Variants in ZNF625 observed in about 807,000 individuals in gnomAD.
ZNF625 encodes zinc finger protein 625.
In ZNF625, 8 loss-of-function variants were observed where a neutral mutation model predicts 11.1. The ratio of observed to expected loss-of-function variants is 0.72; its 90% CI spans 0.42 to 1.30. The LOEUF is 1.30. ZNF625 is among the 50% of genes most tolerant of loss of function. ZNF625 has a pLI of 0.01. For missense variants in ZNF625, 349 were observed against 447.6 expected, an observed-to-expected ratio of 0.78 and a Z score of 1.99; for synonymous variants, 145 against 153.4, an observed-to-expected ratio of 0.95 and a Z score of 0.41.
chr19:12,147,525 C>G, intron 2 of ZNF625, 70 bp from the exon 3 acceptor site: 1 of 1,513,310 alleles, frequency 6.6e-7, no homozygotes, highest in Non-Finnish European at 9.0e-7. Context: ...ATTCTAAGTT[C>G]ATGGTACACT....
Position 12,145,569 on chromosome 19 carries a change from C to T in ZNF625, c.847G>A (p.Ala283Thr), listed in dbSNP as rs756488578. ...KPYECKQCGK[A>T]FVSFNSVRYH... is the part of the protein sequence containing the mutation. ...CGAACGGAATTGAAAGAAACAAAGG[C>T]TTTCCCACACTGTTTACATTCATAC... The change falls in exon 4 of 4, where the codon GCC (alanine) becomes ACC (threonine). Residue 283 changes from alanine to threonine, a missense_variant. By Grantham distance (58) the Ala-to-Thr change is moderately conservative. Transcript: ENST00000439556. 3.7e-6 allele frequency: 6 copies of T among 1,610,210 alleles called. No individual in the cohort carries two copies. Among genetic ancestry groups the T allele is most frequent in the Non-Finnish European group, 3.4e-6 (4 of 1,176,528 alleles).
At chr19:12,153,349 C>CAAA (rs1260818004) in intron 1 of ZNF625, among the ~76,000 whole-genome samples, 5 of 61,456 alleles carry the variant, frequency 8.1e-5, no homozygotes, top group African/African-American at 3.1e-4. Context: ...GACTCCATCT[C>CAAA]AAAAAAAAAA....
intron 1 of ZNF625, among the ~76,000 whole-genome samples, chr19:12,148,865 A>G (rs969430836): frequency 4.0e-5 from 6 of 151,296 alleles, no homozygotes; most frequent in African/African-American, 1.2e-4. Flanking sequence ...CTTGTGATCC[A>G]CCTGTCTCGG....
intron 1 of ZNF625, among the ~76,000 whole-genome samples, chr19:12,151,902 A>T (rs148109658): frequency 1.3e-5 from 2 of 152,210 alleles, no homozygotes; most frequent in East Asian, 3.9e-4. Flanking sequence ...CTCTGTTCCT[A>T]GTGTTTCTCT....
chr19:12,144,929 T>A lies in ZNF625; in HGVS notation c.*368A>T, dbSNP rs1976845163. 5.5e-6 allele frequency: 1 copy of A among 181,080 alleles called. No homozygotes were observed. The highest frequency in any genetic ancestry group is 1.2e-5 in the Non-Finnish European group (1 of 86,396). 11.2% of individuals were successfully genotyped at this position (181,080 alleles called of 1,614,324 possible). ...TGGGGTTTCACCATATTGACCAGGC[T>A]GGTCTCGAACTACTGACCTCGTGGT... On this transcript the variant is annotated 3_prime_UTR_variant, in exon 4 of 4. Coordinates refer to ENST00000439556, the MANE Select transcript of ZNF625 (RefSeq NM_145233.4).
chr19:12,146,179 C>G lies in ZNF625; in HGVS notation c.237G>C (p.Gln79His), dbSNP rs770159674. 2.6e-5 allele frequency: 42 copies of G among 1,614,014 alleles called. No individual in the cohort carries two copies. Among genetic ancestry groups the G allele is most frequent in the Non-Finnish European group, 3.6e-5 (42 of 1,180,034 alleles). Residue 79 changes from glutamine (Q) to histidine (H), a missense_variant, in exon 4 of 4, where the codon CAG becomes CAC. By Grantham distance (24) the Gln-to-His change is conservative. Coordinates refer to ENST00000439556, the MANE Select transcript of ZNF625 (RefSeq NM_145233.4). Reference protein sequence around the residue: ...ERLLESKKDHQHGEILTQVPD... With the variant: ...ERLLESKKDHHHGEILTQVPD... ...GAACCTGGGTCAAAATTTCTCCATG[C>G]TGATGATCTTTCTTACTTTCTAAGA...
chr19:12,156,503 C>T lies in ZNF625; in HGVS notation c.3+53G>A, dbSNP rs1977029373. 4 of 1,393,122 alleles carry T rather than the reference C, an allele frequency of 2.9e-6. No individual in the cohort carries two copies. In the East Asian group the frequency reaches 1.1e-4, roughly 40 times the overall value. The allele number at this position is 1,393,122 out of a possible 1,614,324, so 86.3% of individuals were successfully genotyped here. On this transcript the variant is annotated intron_variant, in intron 1 of 3. Coordinates refer to ENST00000439556, the MANE Select transcript of ZNF625 (RefSeq NM_145233.4). ...GGGTCCTGCTAGAGCCGGTTCGAGC[C>T]GGTTCCTCCCGGCCCCTCCCCCGTC...
At chr19:12,150,274 G>T (rs1211154876) in intron 1 of ZNF625, among the ~76,000 whole-genome samples, 1 of 152,156 alleles carries the variant, frequency 6.6e-6, no homozygotes, top group Non-Finnish European at 1.5e-5. Flanking sequence ...AATCAGAAAT[G>T]TAAGGATTTG....
intron 1 of ZNF625, among the ~76,000 whole-genome samples, chr19:12,148,822 C>T (rs1332098135): frequency 6.6e-6 from 1 of 151,480 alleles, no homozygotes; most frequent in East Asian, 2.0e-4. Flanking sequence ...CAGGGTTTCA[C>T]CGTCTTGGCC....
intron 1 of ZNF625, among the ~76,000 whole-genome samples, chr19:12,149,283 CAAAAAA>C (rs747461916): frequency 7.8e-5 from 5 of 64,428 alleles, no homozygotes; most frequent in Non-Finnish European, 1.4e-4. Context: ...GACTCAGTCT[CAAAAAA>C]AAAAAAAAAA....
chr19:12,148,906 G>A (rs1032485690), intron 1 of ZNF625, among the ~76,000 whole-genome samples: 1 of 151,940 alleles, frequency 6.6e-6, no homozygotes, highest in Non-Finnish European at 1.5e-5. Context: ...ACAGGCATGA[G>A]CCACTGCGCC....
chr19:12,156,551 C>A lies in ZNF625; in HGVS notation c.3+5G>T. 7 of 1,426,088 alleles carry A rather than the reference C, an allele frequency of 4.9e-6. No individual in the cohort carries two copies. Among genetic ancestry groups the A allele is most frequent in the Non-Finnish European group, 6.4e-6 (7 of 1,088,354 alleles). The allele number at this position is 1,426,088 out of a possible 1,614,324, so 88.3% of individuals were successfully genotyped here. A position where few individuals can be genotyped will look rare whatever the true frequency, so the allele number is the denominator to read the frequency against. On this transcript the variant is annotated splice_donor_5th_base_variant and intron_variant, in intron 1 of 3. Coordinates refer to ENST00000439556, the MANE Select transcript of ZNF625 (RefSeq NM_145233.4). ...GTCTCGGGACCCCCGGCCCCGCACA[C>A]TCACCATTTCCCGGCTTCCAGGTGT...
At chr19:12,155,492 G>C (rs1977013842) in intron 1 of ZNF625, among the ~76,000 whole-genome samples, 1 of 152,046 alleles carries the variant, frequency 6.6e-6, no homozygotes, top group Non-Finnish European at 1.5e-5. Context: ...AACCACCTGT[G>C]CCTTCTAAGC....
intron 2 of ZNF625, 37 bp from the exon 3 acceptor site, chr19:12,147,492 C>T: frequency 1.3e-6 from 2 of 1,508,070 alleles, no homozygotes; most frequent in Non-Finnish European, 1.8e-6. Context: ...CCTGAATTAG[C>T]AAAATTATGA....
At chr19:12,156,466 GC>G in intron 1 of ZNF625, 89 bp downstream of exon 1, 1 of 1,142,654 alleles carries the variant, frequency 8.8e-7, no homozygotes, top group Non-Finnish European at 1.1e-6. Flanking sequence ...CGAAGTCGCT[GC>G]AGGAAGGCCT....
chr19:12,153,744 C>T (rs1976989725), intron 1 of ZNF625, among the ~76,000 whole-genome samples: 2 of 150,630 alleles, frequency 1.3e-5, no homozygotes, highest in African/African-American at 2.4e-5. Flanking sequence ...ACTGCCCATA[C>T]CGGTGTACAA....
intron 1 of ZNF625, among the ~76,000 whole-genome samples, chr19:12,153,998 G>T (rs1301173768): frequency 6.6e-6 from 1 of 151,524 alleles, no homozygotes; most frequent in Non-Finnish European, 1.5e-5. Context: ...TAGTAGAGAC[G>T]GGGTTTTACC....
chr19:12,146,140 C>T lies in ZNF625; in HGVS notation c.276G>A (p.Leu92=), dbSNP rs778672797. 1.9e-6 allele frequency: 3 copies of T among 1,614,178 alleles called. No homozygotes were observed. In the East Asian group the frequency reaches 6.7e-5, roughly 36 times the overall value. ...EILTQVPDDM[L]KKKTPRVKSC... ...ATTTTACTCGGGGAGTTTTCTTCTT[C>T]AGCATGTCATCTGGAACCTGGGTCA... Residue 92 remains leucine, a synonymous_variant, in exon 4 of 4, where the codon CTG becomes CTA. Coordinates refer to ENST00000439556, the MANE Select transcript of ZNF625 (RefSeq NM_145233.4).
chr19:12,156,715 CTGG>C lies in ZNF625; in HGVS notation c.-160_-158del. The C allele has an allele frequency of 1.5e-6, 1 of 659,050 alleles. No homozygotes were observed. Among genetic ancestry groups the C allele is most frequent in the Non-Finnish European group, 2.2e-6 (1 of 461,992 alleles). The allele number at this position is 659,050 out of a possible 1,614,324, so 40.8% of individuals were successfully genotyped here. On this transcript the variant is annotated 5_prime_UTR_variant, in exon 1 of 4. Coordinates refer to ENST00000439556, the MANE Select transcript of ZNF625 (RefSeq NM_145233.4). ...CCGACCTCCCTTTGGTGCAAGACGC[CTGG>C]GAGTCAGGAAAGCGGGAATGCGGCC...
Sources: gnomAD v4.1 joint callset for allele counts (sites outside exome capture counted in the v4.1 genomes callset) on GRCh38, gnomAD v4.1.1 for gene constraint, MANE v1.5 for transcripts, NCBI Gene and HGNC (gene_info 2026-07-23, HGNC 2026-07-21) for gene names.